DYSF: variants seen among roughly 807,000 people sequenced by gnomAD.
DYSF encodes dystrophy-associated fer-1-like 1.
Under a neutral mutation model 274.9 loss-of-function variants are expected in DYSF, and 212 were observed. The ratio of observed to expected loss-of-function variants is 0.77; its 90% confidence interval spans 0.69 to 0.86. The LOEUF (loss-of-function observed/expected upper bound fraction) is 0.86. Ranked by LOEUF, DYSF falls within the 40% of genes least tolerant of loss-of-function variation. DYSF has a pLI of 0.00. For missense variants in DYSF, 2,666 were observed against 2,783.2 expected (o/e 0.96, Z 0.95); for synonymous variants, 1,091 against 1,078.7 (o/e 1.01, Z -0.22).
intron 3 of DYSF, among the ~76,000 whole-genome samples, chr2:71,488,618 C>T (rs917989100): frequency 6.6e-6 from 1 of 152,244 alleles, no homozygotes; most frequent in South Asian, 2.1e-4. Context: ...AGTGGGCTCC[C>T]TGTGTTTTTC....
intron 51 of DYSF, among the ~76,000 whole-genome samples, chr2:71,671,142 C>T (rs1035798040): frequency 2.9e-4 from 44 of 152,126 alleles, no homozygotes; most frequent in Admixed American, 7.2e-4. Flanking sequence ...AAATGTTCCG[C>T]GGAACATTCT....
At chr2:71,512,131 G>A (rs367611692) in intron 5 of DYSF, among the ~76,000 whole-genome samples, 15 of 152,362 alleles carry the variant, frequency 9.8e-5, no homozygotes, top group Admixed American at 4.6e-4. Flanking sequence ...CAGCAGGCAC[G>A]TTCCCTTGGG....
chr2:71,558,634 G>A (rs962460059), intron 22 of DYSF, among the ~76,000 whole-genome samples: 6 of 152,172 alleles, frequency 3.9e-5, no homozygotes, highest in Non-Finnish European at 8.8e-5. Context: ...GTCCTTGGCT[G>A]CCCTCAGTGA....
At chr2:71,655,665 C>G (rs944496040) in intron 42 of DYSF, among the ~76,000 whole-genome samples, 1 of 152,228 alleles carries the variant, frequency 6.6e-6, no homozygotes, top group Non-Finnish European at 1.5e-5. Flanking sequence ...ATTGGATATC[C>G]TGTATGTGAA....
intron 54 of DYSF, among the ~76,000 whole-genome samples, chr2:71,681,497 C>T (rs1220267200): frequency 1.3e-5 from 2 of 152,232 alleles, no homozygotes; most frequent in South Asian, 2.1e-4. Context: ...AGCAGAAATG[C>T]TCTCACCTGG....
chr2:71,612,114 G>C (rs1256024095), intron 38 of DYSF, among the ~76,000 whole-genome samples: 1 of 152,216 alleles, frequency 6.6e-6, no homozygotes, highest in Non-Finnish European at 1.5e-5. Context: ...AAAAGAAAAT[G>C]GTTTGCAAGA....
Position 71,528,291 on chromosome 2 carries a change from T to C in DYSF, c.1277-7T>C. ...GCAGGCAGTGACTGGTGTGTCCCTC[T>C]TCCCAGTGGACGATGCCGTGATGGA... On this transcript the variant is annotated splice_region_variant and splice_polypyrimidine_tract_variant and intron_variant, in intron 13 of 55. Coordinates refer to ENST00000410020, the MANE Select transcript of DYSF (RefSeq NM_001130987.2). The C allele has an allele frequency of 6.2e-7, 1 of 1,612,720 alleles. No individual in the cohort carries two copies.
At chr2:71,568,966 G>A (rs930227647) in intron 26 of DYSF, among the ~76,000 whole-genome samples, 8 of 151,814 alleles carry the variant, frequency 5.3e-5, no homozygotes, top group Non-Finnish European at 8.8e-5. Flanking sequence ...TCCACCTCCC[G>A]GGTTCACGCC....
At chr2:71,672,754 A>G (rs2095151141) in intron 51 of DYSF, among the ~76,000 whole-genome samples, 2 of 152,310 alleles carry the variant, frequency 1.3e-5, no homozygotes, top group South Asian at 4.1e-4. Flanking sequence ...CGGGCCATGC[A>G]GGCGGGCCTG....
intron 44 of DYSF, among the ~76,000 whole-genome samples, chr2:71,659,716 C>T (rs2094842789): frequency 6.6e-6 from 1 of 152,100 alleles, no homozygotes; most frequent in African/African-American, 2.4e-5. Flanking sequence ...TAGTCATTGC[C>T]TGAGATGGAG....
intron 17 of DYSF, among the ~76,000 whole-genome samples, chr2:71,543,510 G>A (rs1450528805): frequency 6.6e-6 from 1 of 152,212 alleles, no homozygotes; most frequent in Non-Finnish European, 1.5e-5. Flanking sequence ...CAAGGCAGGC[G>A]GCTGGGAGGT....
At chr2:71,504,127 T>A (rs900873941) in intron 4 of DYSF, among the ~76,000 whole-genome samples, 2 of 152,228 alleles carry the variant, frequency 1.3e-5, no homozygotes, top group East Asian at 3.9e-4. Flanking sequence ...TCTGGGCAGA[T>A]CTCTGAATGG....
chr2:71,506,634 T>C (rs9309455), intron 4 of DYSF, among the ~76,000 whole-genome samples: 114,447 of 151,986 alleles, frequency 0.75, 44,073 homozygotes, highest in Middle Eastern at 0.83. Flanking sequence ...AAGAAAATCT[T>C]AGCTCTATTT....
intron 12 of DYSF, among the ~76,000 whole-genome samples, chr2:71,523,806 A>G (rs2087569983): frequency 6.6e-6 from 1 of 152,016 alleles, no homozygotes; most frequent in Non-Finnish European, 1.5e-5. Flanking sequence ...CGGCCTCCCA[A>G]AGTGCTGAAA....
At chr2:71,494,014 G>A (rs2084136100) in intron 3 of DYSF, among the ~76,000 whole-genome samples, 1 of 152,172 alleles carries the variant, frequency 6.6e-6, no homozygotes, top group South Asian at 2.1e-4. Context: ...GTAATTAGTG[G>A]GCAGATGTTC....
intron 10 of DYSF, among the ~76,000 whole-genome samples, chr2:71,517,705 C>T (rs1161649863): frequency 2.0e-5 from 3 of 151,708 alleles, no homozygotes; most frequent in Non-Finnish European, 2.9e-5. Context: ...ACAGGGGAGC[C>T]GTCTCCCTTG....
chr2:71,514,017 G>T, intron 7 of DYSF, 96 bp downstream of exon 7: 3 of 1,439,488 alleles, frequency 2.1e-6, no homozygotes, highest in Non-Finnish European at 1.9e-6. Flanking sequence ...AGGGGAAGAT[G>T]TGTGTGGGAT....
chr2:71,481,798 TG>T, intron 2 of DYSF, 80 bp from the exon 3 acceptor site: 1 of 1,136,716 alleles, frequency 8.8e-7, no homozygotes, highest in Non-Finnish European at 1.3e-6. Context: ...CTCAGTGCCC[TG>T]GTGGCACGAA....
chr2:71,483,143 A>T (rs2083072360), intron 3 of DYSF, among the ~76,000 whole-genome samples: 1 of 151,970 alleles, frequency 6.6e-6, no homozygotes, highest in South Asian at 2.1e-4. Flanking sequence ...TGGTGTGGGG[A>T]GGGTGGGGCA....
Sources: gnomAD v4.1 joint callset for allele counts (sites outside exome capture counted in the v4.1 genomes callset) on GRCh38, gnomAD v4.1.1 for gene constraint, MANE v1.5 for transcripts, NCBI Gene and HGNC (gene_info 2026-07-23, HGNC 2026-07-21) for gene names.